UBR3: variants seen among roughly 807,000 people sequenced by gnomAD.
The protein encoded by UBR3 is E3 ubiquitin-protein ligase UBR3.
A neutral mutation model predicts 243.2 loss-of-function variants in UBR3; 85 were observed. The observed-to-expected ratio is 0.35, with a 90% CI of 0.29 to 0.42. The LOEUF is 0.42. Among genes scored for constraint, UBR3 ranks in the 10% least tolerant of loss-of-function variants. The probability of loss-of-function intolerance (pLI) is 1.00; values close to 1 mark genes in which losing one functional copy is unlikely to be tolerated. For synonymous variants in UBR3, 748 were observed against 799.8 expected, an observed-to-expected ratio of 0.94 and a Z score of 1.09; for missense variants, 1,686 against 2,300.8, an observed-to-expected ratio of 0.73 and a Z score of 5.47.
At chr2:169,904,579 T>C (rs2105333002) in intron 8 of UBR3, among the ~76,000 whole-genome samples, 1 of 152,294 alleles carries the variant, frequency 6.6e-6, no homozygotes, top group Non-Finnish European at 1.5e-5. Context: ...TGTGTGTGTT[T>C]CTTTTTTTTA....
intron 11 of UBR3, 87 bp from the exon 12 acceptor site, chr2:169,923,842 G>A: frequency 9.1e-7 from 1 of 1,094,416 alleles, no homozygotes; most frequent in Non-Finnish European, 1.3e-6. Context: ...ATAAATCCAG[G>A]TGAGAGTATG....
At chr2:169,952,605 G>C (rs1030320172) in intron 23 of UBR3, among the ~76,000 whole-genome samples, 4 of 152,224 alleles carry the variant, frequency 2.6e-5, no homozygotes, top group African/African-American at 9.6e-5. Flanking sequence ...TGAGGCAGGA[G>C]AATTGCTTGA....
At chr2:169,928,951 A>G in intron 18 of UBR3, 83 bp downstream of exon 18, 1 of 1,165,390 alleles carries the variant, frequency 8.6e-7, no homozygotes, top group Non-Finnish European at 1.1e-6. Context: ...GAAAATGTTT[A>G]CCTTTTATTC....
At chr2:169,906,897 TG>T in intron 10 of UBR3, among the ~76,000 whole-genome samples, 1 of 152,174 alleles carries the variant, frequency 6.6e-6, no homozygotes, top group Admixed American at 6.5e-5. Context: ...TCTTTGTTAT[TG>T]TGAAGCTGTC....
chr2:169,999,009 C>T (rs188903369), intron 26 of UBR3, among the ~76,000 whole-genome samples: 1,716 of 152,272 alleles, frequency 0.011, 11 homozygotes, highest in Non-Finnish European at 0.018. Context: ...CTTGAGGTCT[C>T]CCTAAAATAC....
chr2:169,939,579 T>C (rs2086497723), intron 19 of UBR3, among the ~76,000 whole-genome samples: 1 of 151,360 alleles, frequency 6.6e-6, no homozygotes, highest in African/African-American at 2.4e-5. Context: ...TTTTTTTCCT[T>C]TTTTGAGACA....
In UBR3 at chr2:170,006,052, A is replaced by G. The variant is rs200839866; in HGVS notation, c.4030-938A>G. Among the ~76,000 whole-genome samples, 3 of 152,154 alleles carry G rather than the reference A, an allele frequency of 2.0e-5. No homozygotes were observed. The East Asian group carries it at 5.8e-4, about 29-fold the overall frequency. ...AGCTTCAGTTACAGCAAAAAAGAGT[A>G]TCTAGCATTCTTTGGAATTAAGGCT... On this transcript the variant is annotated intron_variant, in intron 27 of 38. Transcript: ENST00000272793.
intron 1 of UBR3, among the ~76,000 whole-genome samples, chr2:169,838,096 A>G (rs989514011): frequency 2.6e-5 from 4 of 152,140 alleles, no homozygotes; most frequent in African/African-American, 7.2e-5. Context: ...GAGCTTGTCA[A>G]GTTCTCTGGA....
chr2:170,064,802 T>C (rs1333882543), intron 35 of UBR3, among the ~76,000 whole-genome samples: 1 of 62,100 alleles, frequency 1.6e-5, no homozygotes, highest in Non-Finnish European at 3.5e-5. Flanking sequence ...TTGCTTTTTC[T>C]ATTTTTTTTT....
At chr2:169,954,215 CTTGTCTTG>C (rs1308404948) in intron 23 of UBR3, among the ~76,000 whole-genome samples, 3 of 151,104 alleles carry the variant, frequency 2.0e-5, no homozygotes, top group South Asian at 2.1e-4. Context: ...CTTGTCTTGT[CTTGTCTTG>C]TCTTCTCTTC....
chr2:169,855,496 C>T (rs1029056501), intron 1 of UBR3, among the ~76,000 whole-genome samples: 5 of 151,968 alleles, frequency 3.3e-5, no homozygotes, highest in African/African-American at 1.2e-4. Context: ...AGGGCCCTGC[C>T]GCCTTCCGCA....
chr2:169,917,968 TC>T (rs2085529089), intron 11 of UBR3, among the ~76,000 whole-genome samples: 1 of 152,114 alleles, frequency 6.6e-6, no homozygotes, highest in Non-Finnish European at 1.5e-5. Context: ...CTCCCAAAGT[TC>T]TGGGATGACA....
At chr2:170,008,284 CTT>C (rs1419044687) in intron 28 of UBR3, among the ~76,000 whole-genome samples, 2 of 152,172 alleles carry the variant, frequency 1.3e-5, no homozygotes, top group Admixed American at 6.5e-5. Context: ...GAATATTTGA[CTT>C]TTGAAACAGA....
intron 23 of UBR3, among the ~76,000 whole-genome samples, chr2:169,955,880 A>G (rs1367594422): frequency 6.7e-6 from 1 of 148,476 alleles, no homozygotes; most frequent in African/African-American, 2.5e-5. Flanking sequence ...CTTTTAGGAG[A>G]GAATGGTATT....
At position 170,071,004 on chromosome 2, in the gene UBR3, C is replaced by A. The variant is rs114275852; in HGVS notation, c.5020-2424C>A. Among the ~76,000 whole-genome samples, 872 of 152,152 alleles carry A rather than the reference C, an allele frequency of 5.7e-3. 7 individuals carry two copies. The highest frequency in any genetic ancestry group is 0.02 in the African/African-American group (823 of 41,526). On this transcript the variant is annotated intron_variant, in intron 35 of 38. Transcript: ENST00000272793. ...TAAGAGAATATATATGAATGGCCAA[C>A]AAGTAGATGAAAAGATACTCAACAT...
chr2:170,014,226 T>C (rs1420239355), intron 29 of UBR3: 1 of 154,274 alleles, frequency 6.5e-6, no homozygotes, highest in Non-Finnish European at 1.4e-5. Flanking sequence ...CATGGAAATA[T>C]AATCTCCAAA....
intron 1 of UBR3, among the ~76,000 whole-genome samples, chr2:169,837,665 A>G (rs928044726): frequency 1.3e-5 from 2 of 152,270 alleles, no homozygotes; most frequent in East Asian, 3.9e-4. Context: ...TAAAACCATT[A>G]CATCTCGTGA....
At chr2:169,892,905 T>G (rs903769598) in intron 6 of UBR3, among the ~76,000 whole-genome samples, 1 of 152,224 alleles carries the variant, frequency 6.6e-6, no homozygotes, top group South Asian at 2.1e-4. Flanking sequence ...AGCTAGTGAG[T>G]TGCAGAACTT....
chr2:169,895,761 T>C (rs10167746), intron 7 of UBR3, among the ~76,000 whole-genome samples: 223 of 152,332 alleles, frequency 1.5e-3, no homozygotes, highest in African/African-American at 5.1e-3. Context: ...AGAACAGTTA[T>C]TGACTCATAT....
Sources: allele counts gnomAD v4.1 joint callset (sites outside exome capture counted in the v4.1 genomes callset), GRCh38; gene constraint gnomAD v4.1.1; transcripts MANE v1.5; gene names NCBI Gene and HGNC (gene_info 2026-07-23, HGNC 2026-07-21).